STS: variants seen among roughly 807,000 people sequenced by gnomAD.
The protein encoded by STS is steroid sulfatase.
STS carries 7 observed loss-of-function variants against 26.8 expected under a neutral mutation model. The ratio of observed to expected loss-of-function variants is 0.26; its 90% CI spans 0.15 to 0.49. The LOEUF (loss-of-function observed/expected upper bound fraction) is 0.49. STS is among the 20% of genes least tolerant of loss of function. The probability of loss-of-function intolerance (pLI) is 0.98; values close to 1 mark genes in which losing one functional copy is unlikely to be tolerated. For missense variants in STS, 434 were observed against 465.6 expected, an observed-to-expected ratio of 0.93 and a Z score of 0.63; for synonymous variants, 199 against 189.4, an observed-to-expected ratio of 1.05 and a Z score of -0.42.
intron 1 of STS, among the ~76,000 whole-genome samples, chrX:7,179,454 T>C (rs1456604359): frequency 2.7e-5 from 3 of 112,476 alleles, no homozygotes; most frequent in Non-Finnish European, 5.6e-5. Flanking sequence ...ACTGGCTTTC[T>C]CTAGTCCTCC....
At chrX:7,219,237 A>G (rs1057378351) in intron 2 of STS, among the ~76,000 whole-genome samples, 4 of 111,993 alleles carry the variant, frequency 3.6e-5, no homozygotes, top group African/African-American at 1.3e-4. Context: ...TCTATGGCCC[A>G]TGTCACTGGC....
At position 7,280,681 on chromosome X, in the gene STS, T is replaced by A. The variant is rs1036661715; in HGVS notation, c.943+4594T>A. Among the ~76,000 whole-genome samples, 3 of 111,895 alleles carry A rather than the reference T, an allele frequency of 2.7e-5. No individual in the cohort carries two copies. The Admixed American group carries it at 2.8e-4, about 11-fold the overall frequency. On this transcript the variant is annotated intron_variant, in intron 7 of 10. Coordinates refer to ENST00000674429, the MANE Select transcript of STS (RefSeq NM_001320752.2). The stretch of plus-strand genomic sequence containing the variant: ...TCACCGGGGGTTTCTTATCTACAGC[T>A]TACACCATTATAGTGATCACAGCTA...
intron 2 of STS, among the ~76,000 whole-genome samples, chrX:7,204,566 TCTTCCTTTC>T (rs1934155209): frequency 1.1e-5 from 1 of 94,806 alleles, no homozygotes; most frequent in South Asian, 6.6e-4. Context: ...CCCTTCCTTT[TCTTCCTTTC>T]CTTCCTTTCC....
intron 2 of STS, among the ~76,000 whole-genome samples, chrX:7,208,892 A>T (rs998673503): frequency 1.8e-5 from 2 of 111,134 alleles, no homozygotes; most frequent in Non-Finnish European, 3.8e-5. Context: ...TGGCTTCTAG[A>T]GGGCACCTAC....
At chrX:7,300,400 C>T (rs1925908536) in intron 7 of STS, among the ~76,000 whole-genome samples, 1 of 112,016 alleles carries the variant, frequency 8.9e-6, no homozygotes, top group Non-Finnish European at 1.9e-5. Flanking sequence ...ATTTGCAGAC[C>T]TCTAATTTAT....
At chrX:7,241,834 C>G (rs763110252) in intron 2 of STS, among the ~76,000 whole-genome samples, 3 of 112,213 alleles carry the variant, frequency 2.7e-5, no homozygotes, top group Admixed American at 9.5e-5. Context: ...GCTGTGGTCT[C>G]ATCTGTGGTC....
At chrX:7,307,221 G>A (rs1926262766) in intron 8 of STS, among the ~76,000 whole-genome samples, 1 of 111,551 alleles carries the variant, frequency 9.0e-6, no homozygotes, top group Non-Finnish European at 1.9e-5. Flanking sequence ...TAATGAACCG[G>A]TGTGTTTAAT....
At chrX:7,288,670 G>A (rs1052427964) in intron 7 of STS, among the ~76,000 whole-genome samples, 1 of 101,968 alleles carries the variant, frequency 9.8e-6, no homozygotes, top group African/African-American at 4.3e-5. Flanking sequence ...GTGTGTGTGT[G>A]TGTGTGTGTG....
chrX:7,323,068 T>G (rs762537581), intron 8 of STS, among the ~76,000 whole-genome samples: 15 of 111,727 alleles, frequency 1.3e-4, no homozygotes, highest in Non-Finnish European at 2.8e-4. Context: ...AGCTTGGCAG[T>G]TGGGATAATC....
At chrX:7,289,437 T>G (rs1469888373) in intron 7 of STS, among the ~76,000 whole-genome samples, 1 of 111,388 alleles carries the variant, frequency 9.0e-6, no homozygotes, top group African/African-American at 3.3e-5. Flanking sequence ...CACAAAGCCT[T>G]GAAATCAAGT....
chrX:7,161,569 T>G (rs762241780), intron 1 of STS, among the ~76,000 whole-genome samples: 2 of 112,138 alleles, frequency 1.8e-5, no homozygotes, highest in South Asian at 7.4e-4. Context: ...CTTTGATCTC[T>G]TTCAAGTAAA....
intron 2 of STS, among the ~76,000 whole-genome samples, chrX:7,244,499 T>C (rs1406355591): frequency 1.8e-5 from 2 of 111,974 alleles, no homozygotes; most frequent in Admixed American, 9.5e-5. Flanking sequence ...GCAGAGGGAA[T>C]GAATTGCAAT....
intron 2 of STS, among the ~76,000 whole-genome samples, chrX:7,248,517 A>C (rs910649877): frequency 2.7e-5 from 3 of 112,229 alleles, no homozygotes; most frequent in Non-Finnish European, 5.6e-5. Context: ...TTGAGCTCCA[A>C]ATCAAGGCTG....
rs1569197850 is a variant in STS, at chrX:7,238,124, GT to G, written c.-4-15071del. Among the ~76,000 whole-genome samples the G allele has an allele frequency of 2.2e-4, 4 of 18,080 alleles. No individual in the cohort carries two copies. In the East Asian group the frequency reaches 7.0e-3, roughly 32 times the overall value. The allele number at this position is 18,080 out of a possible 115,157, so 15.7% of individuals were successfully genotyped here. A position where few individuals can be genotyped will look rare whatever the true frequency, so the allele number is the denominator to read the frequency against. ...TTATGGCTGAGTAGTATTCCATGGTGTGTGTGTGTGTGTGTGTGTGTGTGTG... is the reference window on the plus strand; with the variant it reads ...TTATGGCTGAGTAGTATTCCATGGTGGTGTGTGTGTGTGTGTGTGTGTGTG... On this transcript the variant is annotated intron_variant, in intron 2 of 10. Transcript: ENST00000674429.
chrX:7,214,669 C>T (rs1239611564), intron 2 of STS, among the ~76,000 whole-genome samples: 2 of 109,411 alleles, frequency 1.8e-5, no homozygotes, highest in African/African-American at 6.7e-5. Context: ...ACACTGAACC[C>T]TATTTGTAGT....
chrX:7,246,803 T>C, intron 2 of STS, among the ~76,000 whole-genome samples: 1 of 112,810 alleles, frequency 8.9e-6, no homozygotes, highest in East Asian at 2.8e-4. Context: ...TACATATCTT[T>C]AGCTGCAAAA....
intron 9 of STS, 103 bp from the exon 10 acceptor site, chrX:7,333,883 T>C: frequency 2.7e-6 from 3 of 1,130,708 alleles, no homozygotes; most frequent in Non-Finnish European, 3.6e-6. Context: ...GTCTTCTTTG[T>C]ATTAATTACG....
intron 1 of STS, among the ~76,000 whole-genome samples, chrX:7,162,513 G>A (rs934132201): frequency 6.4e-5 from 7 of 110,204 alleles, no homozygotes; most frequent in African/African-American, 2.3e-4. Context: ...CCAAGACTGG[G>A]AGATTTTTAG....
At chrX:7,277,236 A>C (rs934448950) in intron 7 of STS, among the ~76,000 whole-genome samples, 1 of 112,219 alleles carries the variant, frequency 8.9e-6, no homozygotes, top group Non-Finnish European at 1.9e-5. Flanking sequence ...GTACTCGCCC[A>C]GGTTCCTGAA....
Sources: allele counts gnomAD v4.1 joint callset (sites outside exome capture counted in the v4.1 genomes callset), GRCh38; gene constraint gnomAD v4.1.1; transcripts MANE v1.5; gene names NCBI Gene and HGNC (gene_info 2026-07-23, HGNC 2026-07-21).